FOLH1: variants seen among roughly 807,000 people sequenced by gnomAD.
FOLH1 encodes folate hydrolase 1, also known as glutamate carboxypeptidase 2.
A neutral mutation model predicts 93.9 loss-of-function variants in FOLH1; 54 were observed. That is an observed-to-expected ratio of 0.57 (90% CI 0.46 to 0.72). The LOEUF (loss-of-function observed/expected upper bound fraction) is 0.72. FOLH1 is among the 30% of genes least tolerant of loss of function. FOLH1 has a pLI of 0.00. For missense variants in FOLH1, 571 were observed against 892.5 expected (o/e 0.64, Z 4.59); for synonymous variants, 249 against 303.6 (o/e 0.82, Z 1.87).
At chr11:49,207,284 C>T (rs187790744) in intron 1 of FOLH1, among the ~76,000 whole-genome samples, 3,781 of 113,726 alleles carry the variant, frequency 0.033, no homozygotes, top group Non-Finnish European at 0.056. Flanking sequence ...CCACTGAGCA[C>T]GGAATACAGG....
At chr11:49,167,145 A>G (rs1418406486) in intron 12 of FOLH1, among the ~76,000 whole-genome samples, 1 of 152,230 alleles carries the variant, frequency 6.6e-6, no homozygotes, top group African/African-American at 2.4e-5. Context: ...TATAATATAC[A>G]TATATATACA....
chr11:49,152,523 A>T (rs559258373), intron 17 of FOLH1, among the ~76,000 whole-genome samples: 16 of 152,284 alleles, frequency 1.1e-4, no homozygotes, highest in Non-Finnish European at 2.1e-4. Flanking sequence ...TGTATTTCTG[A>T]ATTATGCATT....
At chr11:49,168,787 T>G (rs2135049159) in intron 12 of FOLH1, among the ~76,000 whole-genome samples, 1 of 152,282 alleles carries the variant, frequency 6.6e-6, no homozygotes, top group South Asian at 2.1e-4. Flanking sequence ...ACTTTTTTTC[T>G]ACACCATTCT....
At chr11:49,161,246 T>C (rs1273647489) in intron 13 of FOLH1, among the ~76,000 whole-genome samples, 1 of 152,188 alleles carries the variant, frequency 6.6e-6, no homozygotes, top group African/African-American at 2.4e-5. Context: ...ACCACTATTA[T>C]TGTGTGGGAG....
At position 49,182,853 on chromosome 11, in the gene FOLH1, G is replaced by A. The variant is rs1474265637; in HGVS notation, c.920+296C>T. On this transcript the variant is annotated intron_variant, in intron 7 of 18. Coordinates refer to ENST00000256999, the MANE Select transcript of FOLH1 (RefSeq NM_004476.3). Reference sequence around the variant, plus strand: ...CCCGAGAACACCTACAGGAAGCATGGTCTTGACAAAAATATAGTGGGGTTT... The same window carrying A: ...CCCGAGAACACCTACAGGAAGCATGATCTTGACAAAAATATAGTGGGGTTT... Among the ~76,000 whole-genome samples, 3 of 152,056 alleles carry A rather than the reference G, an allele frequency of 2.0e-5. No homozygotes were observed. The East Asian group carries it at 5.8e-4, about 29-fold the overall frequency.
At chr11:49,185,876 C>T in intron 5 of FOLH1, 21 bp from the exon 6 acceptor site, 2 of 1,507,188 alleles carry the variant, frequency 1.3e-6, no homozygotes, top group Non-Finnish European at 1.8e-6. Context: ...CAGTGTCTTT[C>T]TTTCCTTATT....
rs754457466 is a variant in FOLH1, at chr11:49,183,261, A to T, written c.827-19T>A. ...GCATATTCTGAAAAAAAAAATTGCC[A>T]TATTTCCAGTAAAAACTCAGTTTCA... On this transcript the variant is annotated intron_variant, in intron 6 of 18. Coordinates refer to ENST00000256999, the MANE Select transcript of FOLH1 (RefSeq NM_004476.3). The T allele has an allele frequency of 6.3e-7, 1 of 1,587,900 alleles. No individual in the cohort carries two copies. The highest frequency in any genetic ancestry group is 1.8e-5 in the Admixed American group (1 of 56,302).
At chr11:49,177,297 A>T (rs1346492341) in intron 7 of FOLH1, among the ~76,000 whole-genome samples, 1 of 152,228 alleles carries the variant, frequency 6.6e-6, no homozygotes, top group Non-Finnish European at 1.5e-5. Context: ...TAAACTATTT[A>T]CAATAAAATG....
In FOLH1 at chr11:49,192,790, T is replaced by G. The variant is rs1425664815; in HGVS notation, c.513+3A>C. On this transcript the variant is annotated splice_donor_region_variant and intron_variant, in intron 4 of 18. Coordinates refer to ENST00000256999, the MANE Select transcript of FOLH1 (RefSeq NM_004476.3). ...ATTTTTATTTGTTGCACTGTGTTTT[T>G]ACCTCTGGCATTCCTTGAGGAGAGA... 6.3e-7 allele frequency: 1 copy of G among 1,599,466 alleles called. No individual in the cohort carries two copies. Among genetic ancestry groups the G allele is most frequent in the Admixed American group, 1.7e-5 (1 of 58,016 alleles).
At chr11:49,207,192 A>G (rs1444424461) in intron 1 of FOLH1, among the ~76,000 whole-genome samples, 1 of 150,260 alleles carries the variant, frequency 6.7e-6, no homozygotes, top group Non-Finnish European at 1.5e-5. Flanking sequence ...GATGAAGAGG[A>G]TGGAGGCCTG....
At chr11:49,177,738 G>A (rs1422078006) in intron 7 of FOLH1, among the ~76,000 whole-genome samples, 4 of 149,640 alleles carry the variant, frequency 2.7e-5, no homozygotes, top group Admixed American at 6.7e-5. Context: ...ACCTGAGGTC[G>A]GGAGTTTGAG....
chr11:49,186,780 C>T lies in FOLH1; in HGVS notation c.514-11G>A, dbSNP rs568557023. On this transcript the variant is annotated splice_polypyrimidine_tract_variant and intron_variant, in intron 4 of 18. Coordinates refer to ENST00000256999, the MANE Select transcript of FOLH1 (RefSeq NM_004476.3). Reference sequence around the variant, plus strand: ...ATACACTAGATCGCCCTGTTGAGATCGGGAATGACTTAATATGAGTCAGAT... The same window carrying T: ...ATACACTAGATCGCCCTGTTGAGATTGGGAATGACTTAATATGAGTCAGAT... 41 of 1,587,838 alleles carry T rather than the reference C, an allele frequency of 2.6e-5. No homozygotes were observed. Among genetic ancestry groups the T allele is most frequent in the African/African-American group, 1.2e-4 (9 of 73,514 alleles).
intron 7 of FOLH1, among the ~76,000 whole-genome samples, chr11:49,179,160 G>A (rs1208439927): frequency 1.3e-5 from 2 of 152,166 alleles, no homozygotes; most frequent in Non-Finnish European, 2.9e-5. Flanking sequence ...GCCGGGCATG[G>A]AAAAATGAGG....
chr11:49,182,693 A>G (rs1301974304), intron 7 of FOLH1, among the ~76,000 whole-genome samples: 1 of 152,220 alleles, frequency 6.6e-6, no homozygotes. Context: ...GGAGGAAAAG[A>G]AAGAGGAGTG....
chr11:49,202,637 T>G (rs537252628), intron 2 of FOLH1, among the ~76,000 whole-genome samples: 41 of 152,364 alleles, frequency 2.7e-4, no homozygotes, highest in African/African-American at 9.9e-4. Context: ...TGAGCCACTA[T>G]GCCCGAATAC....
At chr11:49,190,149 C>A (rs1037906584) in intron 4 of FOLH1, among the ~76,000 whole-genome samples, 1 of 152,142 alleles carries the variant, frequency 6.6e-6, no homozygotes, top group Non-Finnish European at 1.5e-5. Flanking sequence ...TTTCTTTACC[C>A]TTAATATAAG....
intron 6 of FOLH1, among the ~76,000 whole-genome samples, chr11:49,183,745 T>C (rs941916904): frequency 1.3e-5 from 2 of 152,040 alleles, no homozygotes; most frequent in Admixed American, 1.3e-4. Flanking sequence ...TACACTGAAA[T>C]AAGCAAGGCT....
rs763102212 is a variant in FOLH1, at chr11:49,146,915, G to A, written c.2094C>T (p.Asn698=). 1.9e-6 allele frequency: 3 copies of A among 1,612,574 alleles called. No individual in the cohort carries two copies. The highest frequency in any genetic ancestry group is 1.3e-5 in the African/African-American group (1 of 74,912). The part of the protein sequence containing the change: ...RHVIYAPSSH[N]KYAGESFPGI... Reference sequence around the variant, plus strand: ...CTGGGAATGACTCCCCTGCATACTTGTTGTGGCTGCTTGGAGCATAGATGA... The same window carrying A: ...CTGGGAATGACTCCCCTGCATACTTATTGTGGCTGCTTGGAGCATAGATGA... Residue 698 remains asparagine, a synonymous_variant, in exon 19 of 19, where the codon AAC becomes AAT. Transcript: ENST00000256999.
chr11:49,200,189 A>G, intron 3 of FOLH1, 66 bp downstream of exon 3: 1 of 1,286,504 alleles, frequency 7.8e-7, no homozygotes, highest in Non-Finnish European at 1.0e-6. Context: ...ACATTATTTC[A>G]TAGAAGGTAT....
Sources: gnomAD v4.1 joint callset for allele counts (sites outside exome capture counted in the v4.1 genomes callset) on GRCh38, gnomAD v4.1.1 for gene constraint, MANE v1.5 for transcripts, NCBI Gene and HGNC (gene_info 2026-07-23, HGNC 2026-07-21) for gene names.